The following SATL1 variants were observed in gnomAD, a reference collection of about 807,000 sequenced individuals.
The protein encoded by SATL1 is spermidine/spermine N(1)-acetyltransferase-like protein 1.
SATL1 carries 47 observed loss-of-function variants against 51.8 expected under a neutral mutation model. The observed-to-expected ratio is 0.91, with a 90% CI of 0.72 to 1.16. SATL1 has a LOEUF of 1.16. SATL1 is among the 50% of genes most tolerant of loss of function. The probability of loss-of-function intolerance (pLI) is 0.00; values close to 1 mark genes in which losing one functional copy is unlikely to be tolerated. For synonymous variants in SATL1, 176 were observed against 182.4 expected, an observed-to-expected ratio of 0.97 and a Z score of 0.28; for missense variants, 520 against 526.4, an observed-to-expected ratio of 0.99 and a Z score of 0.12.
In SATL1 at chrX:85,133,262, G is replaced by A. The variant is rs111822637; in HGVS notation, c.-312-23982C>T. 9.4e-3 allele frequency among the ~76,000 whole-genome samples: 1,061 copies of A among 112,346 alleles called. 13 individuals carry two copies. Among genetic ancestry groups the A allele is most frequent in the African/African-American group, 0.033 (1,020 of 30,961 alleles). Reference sequence around the variant, plus strand: ...TGTTCAGCTATGCCGTGCCTCCAGAGGTGGGGTCTACAGAGGCAGGTGGGC... The same window carrying A: ...TGTTCAGCTATGCCGTGCCTCCAGAAGTGGGGTCTACAGAGGCAGGTGGGC... On this transcript the variant is annotated intron_variant, in intron 2 of 7. Transcript: ENST00000644105.
At position 85,092,458 on chromosome X, in the gene SATL1, G is replaced by A; in HGVS notation, c.2021C>T (p.Ser674Phe). 1 of 1,202,155 alleles carries A rather than the reference G, an allele frequency of 8.3e-7. No individual in the cohort carries two copies. The highest frequency in any genetic ancestry group is 2.2e-5 in the Admixed American group (1 of 45,058). Residue 674 changes from serine to phenylalanine, a missense_variant, in exon 8 of 8, where the codon TCT becomes TTT. By Grantham distance (155) the Ser-to-Phe change is radical. Coordinates refer to ENST00000644105, the MANE Select transcript of SATL1 (RefSeq NM_001367857.2). ...YTSRGALDLS[S>F]EEGWHLFRFN... is the part of the protein sequence containing the mutation. ...CCTGAAGAGATGCCAGCCCTCCTCA[G>A]AGGAAAGGTCTAAAGCCCCTCGACT...
chrX:85,145,531 T>C (rs925190325), intron 2 of SATL1, among the ~76,000 whole-genome samples: 1 of 111,525 alleles, frequency 9.0e-6, no homozygotes, highest in African/African-American at 3.3e-5. Context: ...AAGAAATCTA[T>C]GAGTATGAAT....
At chrX:85,178,286 C>T (rs1927122644) in intron 2 of SATL1, among the ~76,000 whole-genome samples, 1 of 111,481 alleles carries the variant, frequency 9.0e-6, no homozygotes, top group Non-Finnish European at 1.9e-5. Context: ...CCCAAGAATG[C>T]CAACAGCAAA....
Position 85,108,759 on chromosome X carries a change from G to A in SATL1, c.210C>T (p.Asn70=), listed in dbSNP as rs751281478. The change falls in exon 3 of 8, where the codon AAC becomes AAT. Residue 70 remains asparagine (N), a synonymous_variant. Coordinates refer to ENST00000644105, the MANE Select transcript of SATL1 (RefSeq NM_001367857.2). ...RQSGTNLPDI[N]QPDMKQPDTW... ...TGTCTGGTTGTTTCATGTCGGGTTG[G>A]TTTATGTCTGGTAGGTTTGTACCTG... 1 of 1,209,893 alleles carries A rather than the reference G, an allele frequency of 8.3e-7. No individual in the cohort carries two copies. The highest frequency in any genetic ancestry group is 1.1e-6 in the Non-Finnish European group (1 of 894,597).
chrX:85,213,053 A>T (rs1268867220), intron 2 of SATL1, among the ~76,000 whole-genome samples: 1 of 111,664 alleles, frequency 9.0e-6, no homozygotes, highest in Non-Finnish European at 1.9e-5. Flanking sequence ...TATGAACCAA[A>T]TGTATAGTAT....
At chrX:85,106,318 A>T (rs780862708) in intron 3 of SATL1, among the ~76,000 whole-genome samples, 1 of 111,550 alleles carries the variant, frequency 9.0e-6, no homozygotes, top group Non-Finnish European at 1.9e-5. Flanking sequence ...AGGTAACCCA[A>T]TTCTTACAGA....
intron 2 of SATL1, among the ~76,000 whole-genome samples, chrX:85,139,975 T>C (rs1414653261): frequency 8.9e-6 from 1 of 111,755 alleles, no homozygotes; most frequent in Non-Finnish European, 1.9e-5. Context: ...AGCACCCCAG[T>C]GTCCCCTTCT....
At chrX:85,214,702 C>T (rs1270755741) in intron 2 of SATL1, among the ~76,000 whole-genome samples, 2 of 111,761 alleles carry the variant, frequency 1.8e-5, no homozygotes, top group African/African-American at 6.5e-5. Flanking sequence ...CTCCAAGGCA[C>T]AATGGTGGTA....
chrX:85,231,104 C>A (rs1035727668), intron 1 of SATL1, among the ~76,000 whole-genome samples: 2 of 111,707 alleles, frequency 1.8e-5, no homozygotes, highest in Non-Finnish European at 3.8e-5. Context: ...TACCTGCACT[C>A]CCATGTTCAC....
intron 2 of SATL1, among the ~76,000 whole-genome samples, chrX:85,141,927 A>T (rs1465056008): frequency 9.3e-6 from 1 of 107,002 alleles, no homozygotes; most frequent in Non-Finnish European, 1.9e-5. Context: ...TGTTTTCCAA[A>T]AATGTGCATG....
At chrX:85,125,631 C>T (rs1925608732) in intron 2 of SATL1, among the ~76,000 whole-genome samples, 2 of 108,593 alleles carry the variant, frequency 1.8e-5, no homozygotes, top group Admixed American at 2.0e-4. Flanking sequence ...ACTCTGAACA[C>T]ATGAGAACAT....
intron 4 of SATL1, among the ~76,000 whole-genome samples, chrX:85,096,516 A>G (rs1924726253): frequency 2.7e-5 from 3 of 111,657 alleles, no homozygotes; most frequent in South Asian, 7.5e-4. Context: ...ACCAAATTTG[A>G]CATAAAACAT....
chrX:85,138,424 C>T (rs1926018743), intron 2 of SATL1, among the ~76,000 whole-genome samples: 1 of 111,896 alleles, frequency 8.9e-6, no homozygotes, highest in Non-Finnish European at 1.9e-5. Flanking sequence ...TATTATTATA[C>T]TGCAGCCCTG....
chrX:85,113,578 A>T (rs966300836), intron 2 of SATL1, among the ~76,000 whole-genome samples: 10 of 112,011 alleles, frequency 8.9e-5, no homozygotes, highest in African/African-American at 3.2e-4. Flanking sequence ...AATAACACGT[A>T]TACTATATTT....
chrX:85,230,220 G>C (rs1006044638), intron 1 of SATL1, among the ~76,000 whole-genome samples: 1 of 111,389 alleles, frequency 9.0e-6, no homozygotes, highest in East Asian at 2.8e-4. Flanking sequence ...CATAAAATCA[G>C]ACATATAGAC....
intron 2 of SATL1, among the ~76,000 whole-genome samples, chrX:85,118,086 G>GTTTTTTTTT (rs780585183): frequency 2.6e-5 from 1 of 38,821 alleles, no homozygotes; most frequent in Non-Finnish European, 7.3e-5. Flanking sequence ...AAAGAACTTA[G>GTTTTTTTTT]CTTTTTTTTT....
chrX:85,208,470 C>G (rs779389982), intron 2 of SATL1, among the ~76,000 whole-genome samples: 2 of 111,528 alleles, frequency 1.8e-5, no homozygotes, highest in African/African-American at 6.5e-5. Flanking sequence ...CTTGAGGGAT[C>G]GCCACACTGT....
At chrX:85,160,020 G>A (rs1723151517) in intron 2 of SATL1, among the ~76,000 whole-genome samples, 1 of 85,251 alleles carries the variant, frequency 1.2e-5, no homozygotes, top group African/African-American at 4.0e-5. Context: ...ACAAAGTCGG[G>A]GCCCAATATC....
intron 4 of SATL1, among the ~76,000 whole-genome samples, chrX:85,103,268 C>T (rs965880462): frequency 9.0e-6 from 1 of 111,356 alleles, no homozygotes; most frequent in African/African-American, 3.3e-5. Flanking sequence ...TATAGTGAAA[C>T]CATTTATCTC....
Sources: allele counts gnomAD v4.1 joint callset (sites outside exome capture counted in the v4.1 genomes callset), GRCh38; gene constraint gnomAD v4.1.1; transcripts MANE v1.5; gene names NCBI Gene and HGNC (gene_info 2026-07-23, HGNC 2026-07-21).